The following DCC variants were observed in gnomAD, a reference collection of about 807,000 sequenced individuals.
DCC encodes netrin receptor DCC.
A neutral mutation model predicts 172.5 loss-of-function variants in DCC; 58 were observed. The observed-to-expected ratio is 0.34, with a 90% CI of 0.27 to 0.42. DCC has a LOEUF of 0.42. Ranked by LOEUF, DCC falls within the 10% of genes least tolerant of loss-of-function variation. The pLI is 1.00. For synonymous variants in DCC, 709 were observed against 644.5 expected (o/e 1.10, Z -1.52); for missense variants, 1,740 against 1,791.0 (o/e 0.97, Z 0.51).
chr18:52,610,382 C>CAAAAAAAAAAAAAAA (rs55715009), intron 1 of DCC, among the ~76,000 whole-genome samples: 22 of 49,962 alleles, frequency 4.4e-4, no homozygotes, highest in Non-Finnish European at 6.1e-4. Flanking sequence ...TCTGTCTCAA[C>CAAAAAAAAAAAAAAA]AAAAAAAAAA....
chr18:53,059,011 C>G (rs1053871183), intron 5 of DCC, among the ~76,000 whole-genome samples: 1 of 151,822 alleles, frequency 6.6e-6, no homozygotes, highest in Non-Finnish European at 1.5e-5. Context: ...TTCAGCATGG[C>G]TGGGGAGGCC....
intron 2 of DCC, among the ~76,000 whole-genome samples, chr18:52,822,298 T>G (rs139310699): frequency 6.6e-6 from 1 of 152,288 alleles, no homozygotes; most frequent in African/African-American, 2.4e-5. Context: ...CTAAGCTAAG[T>G]GCCAACAAGG....
intron 5 of DCC, among the ~76,000 whole-genome samples, chr18:52,948,823 ATGT>A (rs201834215): frequency 0.011 from 1,692 of 152,244 alleles, 43 homozygotes; most frequent in African/African-American, 0.039. Context: ...CATATGTCAT[ATGT>A]TGTTGTTGTT....
intron 22 of DCC, among the ~76,000 whole-genome samples, chr18:53,445,935 T>A (rs1392493328): frequency 4.0e-5 from 6 of 151,348 alleles, no homozygotes; most frequent in African/African-American, 9.7e-5. Flanking sequence ...GATACAAGGT[T>A]TTTTTTCCTT....
Position 53,466,000 on chromosome 18 carries a change from A to G in DCC, c.3620-1894A>G, listed in dbSNP as rs549440927. On this transcript the variant is annotated intron_variant, in intron 24 of 28. Transcript: ENST00000442544. Reference sequence around the variant, plus strand: ...AGGATGGTCTCGATCTCCTGACCTCATGATCCGCCCACCTCAGCCTCCCAA... The same window carrying G: ...AGGATGGTCTCGATCTCCTGACCTCGTGATCCGCCCACCTCAGCCTCCCAA... Among the ~76,000 whole-genome samples, 3 of 152,186 alleles carry G rather than the reference A, an allele frequency of 2.0e-5. No homozygotes were observed. In the South Asian group the frequency reaches 6.2e-4, roughly 32 times the overall value.
At chr18:53,097,638 T>C (rs1382017799) in intron 7 of DCC, among the ~76,000 whole-genome samples, 1 of 152,098 alleles carries the variant, frequency 6.6e-6, no homozygotes, top group Non-Finnish European at 1.5e-5. Context: ...CCATCGAAAA[T>C]AGCATGGACT....
chr18:53,468,318 CTAA>C (rs1021141271), intron 25 of DCC, among the ~76,000 whole-genome samples: 110 of 131,564 alleles, frequency 8.4e-4, no homozygotes, highest in African/African-American at 2.7e-3. Flanking sequence ...TGATCTTATT[CTAA>C]TAATCATCTC....
intron 1 of DCC, among the ~76,000 whole-genome samples, chr18:52,633,165 C>T (rs1171180144): frequency 7.0e-6 from 1 of 143,476 alleles, no homozygotes; most frequent in African/African-American, 2.6e-5. Context: ...CCTGTCCTGT[C>T]CTTCAATTGA....
chr18:52,483,252 G>A (rs2144587342), intron 1 of DCC, among the ~76,000 whole-genome samples: 1 of 152,158 alleles, frequency 6.6e-6, no homozygotes, highest in South Asian at 2.1e-4. Context: ...TGCAATGACT[G>A]TTTTCCAAAT....
rs191508830 is a variant in DCC, at chr18:53,322,107, G to A, written c.2114G>A (p.Gly705Glu). Residue 705 changes from glycine (G) to glutamate (E), a missense_variant, in exon 14 of 29, where the codon GGA becomes GAA. By Grantham distance (98) the Gly-to-Glu change is moderately conservative. Coordinates refer to ENST00000442544, the MANE Select transcript of DCC (RefSeq NM_005215.4). Reference protein sequence around the residue: ...QVSAMTVNGTGPPSNWYTAET... With the variant: ...QVSAMTVNGTEPPSNWYTAET... ...TCAGCCATGACAGTCAATGGTACTGGACCACCTTCCAACTGGTATACTGCA... is the reference window on the plus strand; with the variant it reads ...TCAGCCATGACAGTCAATGGTACTGAACCACCTTCCAACTGGTATACTGCA... 6.2e-7 allele frequency: 1 copy of A among 1,608,928 alleles called. No homozygotes were observed. Among genetic ancestry groups the A allele is most frequent in the Admixed American group, 1.7e-5 (1 of 60,012 alleles).
chr18:53,177,316 A>G (rs2055117481), intron 8 of DCC, among the ~76,000 whole-genome samples: 4 of 152,098 alleles, frequency 2.6e-5, no homozygotes. Flanking sequence ...TGTACCCTAA[A>G]ACTTAAAGTA....
chr18:52,874,937 G>T (rs2039379212), intron 2 of DCC, among the ~76,000 whole-genome samples: 1 of 152,058 alleles, frequency 6.6e-6, no homozygotes, highest in Admixed American at 6.6e-5. Flanking sequence ...TGTAGAATTG[G>T]CTAGGTATAA....
Position 53,499,326 on chromosome 18 carries a change from A to C in DCC, c.3927A>C (p.Gln1309His). 1 of 1,613,908 alleles carries C rather than the reference A, an allele frequency of 6.2e-7. No individual in the cohort carries two copies. Among genetic ancestry groups the C allele is most frequent in the East Asian group, 2.2e-5 (1 of 44,854 alleles). ...QSVSEGPTTQQPPMLPPSQPE... is the reference protein window; with the variant it reads ...QSVSEGPTTQHPPMLPPSQPE... ...TGAGTGAAGGACCAACTACCCAACA[A>C]CCACCTATGCTGCCCCCATCTCAGC... Residue 1309 changes from glutamine to histidine, a missense_variant, in exon 27 of 29, where the codon CAA becomes CAC. This residue lies in a region of DCC where 1,732 missense variants were observed against 1,767.4 expected (regional missense o/e 0.98). Transcript: ENST00000442544.
chr18:52,501,195 G>A lies in DCC; in HGVS notation c.91+160317G>A, dbSNP rs1238924133. Reference sequence around the variant, plus strand: ...TACAGCCAAGTGCATGGCTTTACACGTTGCTGCTGAAATGATAAGCAACAG... The same window carrying A: ...TACAGCCAAGTGCATGGCTTTACACATTGCTGCTGAAATGATAAGCAACAG... On this transcript the variant is annotated intron_variant, in intron 1 of 28. Coordinates refer to ENST00000442544, the MANE Select transcript of DCC (RefSeq NM_005215.4). Among the ~76,000 whole-genome samples, 9 of 152,094 alleles carry A rather than the reference G, an allele frequency of 5.9e-5. No homozygotes were observed. In the East Asian group the frequency reaches 1.3e-3, roughly 23 times the overall value.
At chr18:52,618,927 C>T (rs1598961909) in intron 1 of DCC, among the ~76,000 whole-genome samples, 1 of 152,058 alleles carries the variant, frequency 6.6e-6, no homozygotes, top group African/African-American at 2.4e-5. Flanking sequence ...CTTATCTCTG[C>T]TACATTTCAT....
At chr18:52,590,446 G>T (rs943839304) in intron 1 of DCC, among the ~76,000 whole-genome samples, 2 of 152,166 alleles carry the variant, frequency 1.3e-5, no homozygotes, top group African/African-American at 4.8e-5. Context: ...TCTGCCTCAA[G>T]AAGTTGTCAG....
intron 1 of DCC, among the ~76,000 whole-genome samples, chr18:52,381,669 C>G (rs968919452): frequency 5.3e-5 from 8 of 152,222 alleles, no homozygotes; most frequent in African/African-American, 1.9e-4. Context: ...AGTGTCTCAA[C>G]AAACGGGATC....
At chr18:53,038,533 G>T (rs527652243) in intron 5 of DCC, among the ~76,000 whole-genome samples, 8 of 152,076 alleles carry the variant, frequency 5.3e-5, no homozygotes, top group Admixed American at 1.3e-4. Context: ...TATCATTAAG[G>T]TAGAAGCTCC....
chr18:52,427,802 T>C (rs1357264642), intron 1 of DCC, among the ~76,000 whole-genome samples: 1 of 132,866 alleles, frequency 7.5e-6, no homozygotes, highest in African/African-American at 3.0e-5. Context: ...AAACTAACTT[T>C]CTTTTCTTCC....
Sources: gnomAD v4.1 joint callset for allele counts (sites outside exome capture counted in the v4.1 genomes callset) on GRCh38, gnomAD v4.1.1 for gene constraint, gnomAD v4.1.1 regional missense constraint, MANE v1.5 for transcripts, NCBI Gene and HGNC (gene_info 2026-07-23, HGNC 2026-07-21) for gene names.